Variants in CCDC102B observed in about 807,000 individuals in gnomAD.
CCDC102B encodes coiled-coil domain containing 102B, also known as coiled-coil domain-containing protein 102B.
Under a neutral mutation model 57.4 loss-of-function variants are expected in CCDC102B, and 75 were observed. The ratio of observed to expected loss-of-function variants is 1.31; its 90% CI spans 1.08 to 1.58. The LOEUF is 1.58. Ranked by LOEUF, CCDC102B falls within the 40% of genes most tolerant of loss-of-function variation. CCDC102B has a pLI of 0.00. For missense variants in CCDC102B, 636 were observed against 582.6 expected (o/e 1.09, Z -0.94); for synonymous variants, 206 against 201.9 (o/e 1.02, Z -0.17).
In CCDC102B at chr18:68,995,727, GAAA is replaced by G. The variant is rs1477293324; in HGVS notation, c.1264-15204_1264-15202del. ...GAACATCTGCCAGGGCAGTGCAGAA[GAAA>G]AATGTGGGGTAAGAGCCCCCACACA... is the stretch of plus-strand genomic sequence containing the variant. On this transcript the variant is annotated intron_variant, in intron 6 of 7. Transcript: ENST00000360242. 4.6e-5 allele frequency among the ~76,000 whole-genome samples: 7 copies of G among 152,276 alleles called. No individual in the cohort carries two copies. The East Asian group carries it at 1.2e-3, about 25-fold the overall frequency.
At chr18:68,890,494 G>A (rs538084811) in intron 5 of CCDC102B, among the ~76,000 whole-genome samples, 2 of 152,180 alleles carry the variant, frequency 1.3e-5, no homozygotes, top group African/African-American at 2.4e-5. Context: ...CAAATTTTGG[G>A]GATTATAGAC....
At chr18:68,874,034 G>A (rs1458127172) in intron 4 of CCDC102B, among the ~76,000 whole-genome samples, 1 of 151,772 alleles carries the variant, frequency 6.6e-6, no homozygotes, top group Non-Finnish European at 1.5e-5. Flanking sequence ...ACAGCTGTGG[G>A]AAAATAATCA....
At chr18:68,960,467 C>G (rs945420398) in intron 6 of CCDC102B, among the ~76,000 whole-genome samples, 3 of 152,082 alleles carry the variant, frequency 2.0e-5, no homozygotes, top group Non-Finnish European at 4.4e-5. Flanking sequence ...AGCTGCTCTT[C>G]CTGGGGTTGG....
intron 1 of CCDC102B, among the ~76,000 whole-genome samples, chr18:68,812,102 C>T (rs987522746): frequency 1.4e-4 from 22 of 152,032 alleles, no homozygotes; most frequent in African/African-American, 5.1e-4. Context: ...TCTTGTTAAA[C>T]GTTCTATTGT....
chr18:68,986,745 C>T lies in CCDC102B; in HGVS notation c.1264-24189C>T, dbSNP rs543599880. Among the ~76,000 whole-genome samples the T allele has an allele frequency of 3.0e-4, 46 of 151,992 alleles. No homozygotes were observed. In the Middle Eastern group the frequency reaches 0.017, roughly 56 times the overall value. ...AACTTCAAGTTTCAGGATACAAAAT[C>T]AACATACAAAAGTCAGTGGCATTTC... On this transcript the variant is annotated intron_variant, in intron 6 of 7. Transcript: ENST00000360242.
In CCDC102B at chr18:68,819,578, G is replaced by A. The variant is rs140697223; in HGVS notation, c.-15-17171G>A. The stretch of plus-strand genomic sequence containing the variant: ...TTTGACTTTTTCTATTTTCAAATGG[G>A]TGTTAGTATCAACTTATCAATTTTA... On this transcript the variant is annotated intron_variant, in intron 1 of 7. Transcript: ENST00000360242. Among the ~76,000 whole-genome samples the A allele has an allele frequency of 6.8e-3, 1,030 of 151,832 alleles. 6 individuals are homozygous for A. The highest frequency in any genetic ancestry group is 8.8e-3 in the Non-Finnish European group (598 of 67,804).
At chr18:69,019,274 A>G (rs932899279) in intron 7 of CCDC102B, among the ~76,000 whole-genome samples, 1 of 152,040 alleles carries the variant, frequency 6.6e-6, no homozygotes, top group African/African-American at 2.4e-5. Flanking sequence ...TAGGTATTGT[A>G]TTGAATCTGC....
chr18:68,912,048 A>G (rs577393313), intron 6 of CCDC102B, among the ~76,000 whole-genome samples: 1 of 152,274 alleles, frequency 6.6e-6, no homozygotes, highest in East Asian at 1.9e-4. Flanking sequence ...CATCACACCA[A>G]CCCAAATCAC....
chr18:69,040,429 TGTGTGA>T (rs1568143793), intron 7 of CCDC102B, among the ~76,000 whole-genome samples: 10 of 144,316 alleles, frequency 6.9e-5, no homozygotes, highest in Admixed American at 2.8e-4. Context: ...TATGTGTGTG[TGTGTGA>T]GATGGCTTCC....
In CCDC102B at chr18:69,008,235, C is replaced by T. The variant is rs189078287; in HGVS notation, c.1264-2699C>T. ...CTTTGTAAAAGAATATGGTATAGAA[C>T]TTGACATTTGAAAATTGTATTCTGA... is the stretch of plus-strand genomic sequence containing the variant. On this transcript the variant is annotated intron_variant, in intron 6 of 7. Coordinates refer to ENST00000360242, the MANE Select transcript of CCDC102B (RefSeq NM_024781.3). 1.1e-3 allele frequency among the ~76,000 whole-genome samples: 174 copies of T among 152,236 alleles called. 1 individual carries two copies. The highest frequency in any genetic ancestry group is 7.0e-3 in the South Asian group (34 of 4,830).
chr18:68,956,045 A>T (rs2049836420), intron 6 of CCDC102B, among the ~76,000 whole-genome samples: 1 of 151,672 alleles, frequency 6.6e-6, no homozygotes, highest in Non-Finnish European at 1.5e-5. Flanking sequence ...AGCTCCCATA[A>T]GTAATTGAGA....
chr18:68,824,004 A>G (rs75248228), intron 1 of CCDC102B, among the ~76,000 whole-genome samples: 7 of 133,066 alleles, frequency 5.3e-5, no homozygotes, highest in Non-Finnish European at 7.9e-5. Flanking sequence ...TTTGCCGGCT[A>G]TTTACTCTGT....
intron 3 of CCDC102B, among the ~76,000 whole-genome samples, chr18:68,841,777 G>C (rs1247135111): frequency 5.3e-5 from 8 of 151,692 alleles, no homozygotes. Context: ...CTGTTGCCCA[G>C]GCTGAAGTGC....
intron 2 of CCDC102B, among the ~76,000 whole-genome samples, chr18:68,770,387 G>A (rs560824890): frequency 3.9e-5 from 6 of 152,306 alleles, no homozygotes; most frequent in Admixed American, 3.9e-4. Context: ...GTATCCATGT[G>A]TCAGTTGATC....
At chr18:68,968,830 A>C (rs547857374) in intron 6 of CCDC102B, among the ~76,000 whole-genome samples, 1 of 152,188 alleles carries the variant, frequency 6.6e-6, no homozygotes, top group South Asian at 2.1e-4. Flanking sequence ...ACTTAGCATA[A>C]TGTCTTCGAG....
At chr18:68,994,110 TTA>T (rs2050952029) in intron 6 of CCDC102B, among the ~76,000 whole-genome samples, 1 of 6,854 alleles carries the variant, frequency 1.5e-4, no homozygotes, top group South Asian at 0.083. Flanking sequence ...GTAATTTTTA[TTA>T]TTTTATTTAA....
intron 6 of CCDC102B, among the ~76,000 whole-genome samples, chr18:68,961,239 A>G (rs1022389556): frequency 6.6e-6 from 1 of 152,088 alleles, no homozygotes; most frequent in African/African-American, 2.4e-5. Context: ...TTGATTCCCT[A>G]TCAATCACAT....
chr18:69,031,907 C>T (rs1425445190), intron 7 of CCDC102B, among the ~76,000 whole-genome samples: 1 of 151,884 alleles, frequency 6.6e-6, no homozygotes, highest in Non-Finnish European at 1.5e-5. Context: ...TCTTTAAGTT[C>T]CTTTAAGAAA....
At chr18:68,973,934 C>T (rs1404558013) in intron 6 of CCDC102B, among the ~76,000 whole-genome samples, 2 of 152,068 alleles carry the variant, frequency 1.3e-5, no homozygotes, top group African/African-American at 2.4e-5. Flanking sequence ...ATCCCATCCA[C>T]GGCATCTTAG....
Sources: gnomAD v4.1 joint callset for allele counts (sites outside exome capture counted in the v4.1 genomes callset) on GRCh38, gnomAD v4.1.1 for gene constraint, MANE v1.5 for transcripts, NCBI Gene and HGNC (gene_info 2026-07-23, HGNC 2026-07-21) for gene names.